PCTP: variants seen among roughly 807,000 people sequenced by gnomAD.
The protein encoded by PCTP is START domain-containing protein 2.
PCTP carries 27 observed loss-of-function variants against 31.0 expected under a neutral mutation model. The observed-to-expected ratio is 0.87, with a 90% CI of 0.64 to 1.20. PCTP has a LOEUF of 1.20. Ranked by LOEUF, PCTP falls within the 50% of genes most tolerant of loss-of-function variation. The pLI, the probability that PCTP is intolerant of heterozygous loss-of-function variation, is 0.00. For synonymous variants in PCTP, 108 were observed against 101.2 expected, an observed-to-expected ratio of 1.07 and a Z score of -0.40; for missense variants, 287 against 268.2, an observed-to-expected ratio of 1.07 and a Z score of -0.49.
At chr17:55,793,228 A>G (rs539947204) in intron 3 of PCTP, among the ~76,000 whole-genome samples, 4 of 152,160 alleles carry the variant, frequency 2.6e-5, no homozygotes, top group African/African-American at 9.6e-5. Context: ...AAGATATTTG[A>G]TTCTAACCTT....
intron 3 of PCTP, among the ~76,000 whole-genome samples, chr17:55,788,241 T>C (rs990298402): frequency 1.3e-5 from 2 of 152,196 alleles, no homozygotes; most frequent in African/African-American, 4.8e-5. Flanking sequence ...CCACATCCTT[T>C]TGTAGTGTGT....
intron 2 of PCTP, among the ~76,000 whole-genome samples, chr17:55,785,511 T>G (rs923680519): frequency 1.3e-5 from 2 of 152,264 alleles, no homozygotes; most frequent in Non-Finnish European, 2.9e-5. Context: ...TATGTAGTGA[T>G]AGATAACTGA....
intron 3 of PCTP, among the ~76,000 whole-genome samples, chr17:55,798,494 GA>G: frequency 6.6e-6 from 1 of 151,858 alleles, no homozygotes; most frequent in Non-Finnish European, 1.5e-5. Context: ...AGGAAAAAAA[GA>G]TATGTTAGCA....
chr17:55,845,100 A>AG, downstream of PCTP, among the ~76,000 whole-genome samples: 1 of 150,250 alleles, frequency 6.7e-6, no homozygotes, highest in African/African-American at 2.4e-5. Context: ...AAAAAAAAAA[A>AG]AAAAAAAAAA....
At chr17:55,774,402 A>G (rs1011827455) in intron 4 of PCTP, among the ~76,000 whole-genome samples, 5 of 152,196 alleles carry the variant, frequency 3.3e-5, no homozygotes, top group Non-Finnish European at 7.4e-5. Context: ...CTTGAGTCCT[A>G]GGCAAAAATC....
At chr17:55,827,144 C>T (rs924829432), downstream of PCTP, among the ~76,000 whole-genome samples, 1 of 152,056 alleles carries the variant, frequency 6.6e-6, no homozygotes, top group African/African-American at 2.4e-5. Flanking sequence ...GTCTATTTCC[C>T]TGCACTTTGA....
chr17:55,794,736 G>T (rs965323942), intron 3 of PCTP, among the ~76,000 whole-genome samples: 2 of 151,896 alleles, frequency 1.3e-5, no homozygotes, highest in African/African-American at 4.8e-5. Flanking sequence ...AGAAGTTTCC[G>T]CATTTTGACC....
chr17:55,815,761 C>CA (rs1304489586), intron 3 of PCTP, among the ~76,000 whole-genome samples: 2 of 152,126 alleles, frequency 1.3e-5, no homozygotes, highest in Non-Finnish European at 2.9e-5. Flanking sequence ...GGGAACCTGC[C>CA]AACAGGTTCA....
chr17:55,833,397 A>C (rs1039642136), intron 5 of PCTP, among the ~76,000 whole-genome samples: 5 of 152,208 alleles, frequency 3.3e-5, no homozygotes, highest in African/African-American at 9.7e-5. Context: ...ACTTCCTCTG[A>C]ATTTCTCTAA....
chr17:55,768,153 T>G (rs1910792231), intron 2 of PCTP, among the ~76,000 whole-genome samples: 1 of 152,260 alleles, frequency 6.6e-6, no homozygotes, highest in Non-Finnish European at 1.5e-5. Context: ...AATTAACTTC[T>G]ACTACATAGT....
intron 5 of PCTP, chr17:55,775,668 A>G (rs968787853): frequency 1.7e-6 from 2 of 1,209,306 alleles, no homozygotes; most frequent in Non-Finnish European, 2.1e-6. Context: ...CCCAATCCTT[A>G]CCATTTTCTA....
chr17:55,767,505 C>G (rs1910735093), intron 2 of PCTP, 53 bp downstream of exon 2: 1 of 1,279,422 alleles, frequency 7.8e-7, no homozygotes, highest in African/African-American at 1.5e-5. Flanking sequence ...ACTTTTGTAG[C>G]CCAGGGTGAA....
chr17:55,767,815 A>G (rs960279404), intron 2 of PCTP, among the ~76,000 whole-genome samples: 3 of 134,382 alleles, frequency 2.2e-5, no homozygotes, highest in Non-Finnish European at 4.6e-5. Context: ...TATTCTGACC[A>G]GATGCAGTGA....
chr17:55,781,224 T>C (rs1911553148), downstream of PCTP, among the ~76,000 whole-genome samples: 1 of 152,216 alleles, frequency 6.6e-6, no homozygotes, highest in Non-Finnish European at 1.5e-5. Context: ...TTGGCTGTTA[T>C]TAGCTGTTAC....
intron 3 of PCTP, among the ~76,000 whole-genome samples, chr17:55,819,040 A>G (rs1195676054): frequency 1.3e-5 from 2 of 150,590 alleles, no homozygotes; most frequent in Non-Finnish European, 3.0e-5. Flanking sequence ...AAAAAAAAGA[A>G]AAGGAAAGAA....
chr17:55,768,818 C>T (rs1263075299), intron 2 of PCTP: 2 of 152,194 alleles, frequency 1.3e-5, no homozygotes, highest in African/African-American at 4.8e-5. Context: ...GGGACTTCTC[C>T]TGCCACTTAG....
intron 1 of PCTP, among the ~76,000 whole-genome samples, chr17:55,756,439 C>T (rs577067064): frequency 1.2e-4 from 19 of 152,136 alleles, no homozygotes; most frequent in African/African-American, 3.4e-4. Context: ...AACATTTGGC[C>T]GATTTGAATA....
At chr17:55,765,415 C>T (rs532905575) in intron 1 of PCTP, among the ~76,000 whole-genome samples, 1 of 152,278 alleles carries the variant, frequency 6.6e-6, no homozygotes, top group South Asian at 2.1e-4. Flanking sequence ...TCCCATCTGC[C>T]CAACTTGGGT....
intron 5 of PCTP, among the ~76,000 whole-genome samples, chr17:55,832,867 T>C (rs1282844109): frequency 6.6e-6 from 1 of 152,210 alleles, no homozygotes; most frequent in African/African-American, 2.4e-5. Flanking sequence ...CCAAGCTAAG[T>C]TGAGGGCTTT....
Sources: allele counts gnomAD v4.1 joint callset (sites outside exome capture counted in the v4.1 genomes callset), GRCh38; gene constraint gnomAD v4.1.1; transcripts MANE v1.5; gene names NCBI Gene and HGNC (gene_info 2026-07-23, HGNC 2026-07-21).